Variants in KLRF1 observed in about 807,000 individuals in gnomAD.
KLRF1 encodes the protein killer cell lectin-like receptor subfamily F member 1.
KLRF1 carries 27 observed loss-of-function variants against 30.7 expected under a neutral mutation model. That is an observed-to-expected ratio of 0.88 (90% CI 0.65 to 1.21). The LOEUF is 1.21. Ranked by LOEUF, KLRF1 falls within the 50% of genes most tolerant of loss-of-function variation. The pLI is 0.00. For synonymous variants in KLRF1, 92 were observed against 89.3 expected (o/e 1.03, Z -0.17); for missense variants, 246 against 259.3 (o/e 0.95, Z 0.35).
intron 1 of KLRF1, among the ~76,000 whole-genome samples, chr12:9,827,889 C>T (rs1867317373): frequency 6.6e-6 from 1 of 152,150 alleles, no homozygotes; most frequent in East Asian, 1.9e-4. Flanking sequence ...TACAAATTTA[C>T]TATGAGATAA....
intron 5 of KLRF1, among the ~76,000 whole-genome samples, chr12:9,843,370 C>T (rs1022966586): frequency 2.6e-5 from 4 of 152,164 alleles, no homozygotes; most frequent in African/African-American, 9.7e-5. Context: ...TAGGCCACTA[C>T]ATTTGTGATA....
the KLRF1 span, among the ~76,000 whole-genome samples, chr12:9,811,880 C>T: frequency 6.6e-6 from 1 of 152,238 alleles, no homozygotes; most frequent in Middle Eastern, 3.4e-3. Flanking sequence ...AGCACTAGTG[C>T]ATTGGGTAAG....
intron 3 of KLRF1, among the ~76,000 whole-genome samples, chr12:9,838,725 G>C (rs1315389963): frequency 2.0e-5 from 3 of 152,114 alleles, no homozygotes; most frequent in Non-Finnish European, 4.4e-5. Context: ...GCCACTACTA[G>C]AGAGTGAAGG....
At chr12:9,828,468 A>G (rs966150497) in intron 1 of KLRF1, among the ~76,000 whole-genome samples, 1 of 152,194 alleles carries the variant, frequency 6.6e-6, no homozygotes, top group Non-Finnish European at 1.5e-5. Flanking sequence ...CCAGCAATCA[A>G]CATTTTAATT....
chr12:9,821,801 G>A, the KLRF1 span, among the ~76,000 whole-genome samples: 2 of 152,224 alleles, frequency 1.3e-5, no homozygotes, highest in Non-Finnish European at 2.9e-5. Context: ...CAACTGTGAA[G>A]AAATATAAGG....
the KLRF1 span, among the ~76,000 whole-genome samples, chr12:9,803,046 C>T: frequency 6.6e-6 from 1 of 152,090 alleles, no homozygotes; most frequent in Non-Finnish European, 1.5e-5. Flanking sequence ...CAGCATGCTA[C>T]CTGACTTCAA....
chr12:9,834,251 A>G (rs1316118924), intron 3 of KLRF1, among the ~76,000 whole-genome samples: 1 of 152,052 alleles, frequency 6.6e-6, no homozygotes, highest in Non-Finnish European at 1.5e-5. Flanking sequence ...TTCTTTTGTG[A>G]TTCTTCAGTT....
In KLRF1 at chr12:9,832,357, A is replaced by G. The variant is rs748588833; in HGVS notation, c.127A>G (p.Ile43Val). Residue 43 changes from isoleucine to valine, a missense_variant, in exon 2 of 6, where the codon ATA becomes GTA. Ile to Val is a conservative substitution (Grantham distance 29, BLOSUM62 3). Transcript: ENST00000617889. Reference protein sequence around the residue: ...TLHWYKILLGISGTVNGILTL... With the variant: ...TLHWYKILLGVSGTVNGILTL... ...GCACTGGTATAAAATCTTACTGGGA[A>G]TATCTGGAACCGTGAATGGTATTCT... The G allele has an allele frequency of 1.2e-6, 2 of 1,610,012 alleles. No individual in the cohort carries two copies. Among genetic ancestry groups the G allele is most frequent in the African/African-American group, 1.3e-5 (1 of 74,938 alleles).
At chr12:9,816,669 T>G in the KLRF1 span, among the ~76,000 whole-genome samples, 113 of 152,176 alleles carry the variant, frequency 7.4e-4, no homozygotes, top group Non-Finnish European at 1.2e-3. Context: ...TCTAGGTAGA[T>G]GTCACAGTAG....
intron 3 of KLRF1, among the ~76,000 whole-genome samples, chr12:9,837,426 A>T (rs1479702350): frequency 6.6e-6 from 1 of 151,916 alleles, no homozygotes; most frequent in Admixed American, 6.6e-5. Context: ...ATATCTGTAA[A>T]TATAGATATG....
the KLRF1 span, among the ~76,000 whole-genome samples, chr12:9,815,803 G>A: frequency 5.9e-5 from 9 of 152,256 alleles, no homozygotes; most frequent in African/African-American, 2.2e-4. Flanking sequence ...GGCTGCTGCT[G>A]CTTCTTATTC....
the KLRF1 span, among the ~76,000 whole-genome samples, chr12:9,810,852 G>T: frequency 6.6e-6 from 1 of 152,118 alleles, no homozygotes; most frequent in East Asian, 1.9e-4. Flanking sequence ...ATAAGCAAAA[G>T]AACTTCTCTT....
At chr12:9,816,642 C>T in the KLRF1 span, among the ~76,000 whole-genome samples, 1 of 151,458 alleles carries the variant, frequency 6.6e-6, no homozygotes, top group African/African-American at 2.4e-5. Context: ...CTTCATGAAA[C>T]ATGTTCATCT....
At chr12:9,835,214 C>T (rs1274597788) in intron 3 of KLRF1, among the ~76,000 whole-genome samples, 1 of 151,998 alleles carries the variant, frequency 6.6e-6, no homozygotes, top group Non-Finnish European at 1.5e-5. Context: ...GTCCAATTAG[C>T]AGGTAGACAC....
At chr12:9,813,515 G>T in the KLRF1 span, among the ~76,000 whole-genome samples, 1 of 151,928 alleles carries the variant, frequency 6.6e-6, no homozygotes. Flanking sequence ...TCGCAATTTC[G>T]ACTCTTTTCA....
chr12:9,844,366 T>G, intron 5 of KLRF1, 52 bp from the exon 6 acceptor site: 2 of 916,986 alleles, frequency 2.2e-6, no homozygotes, highest in Non-Finnish European at 3.5e-6. Flanking sequence ...AAGACACAAA[T>G]GGATGTCTTC....
chr12:9,818,441 T>G, the KLRF1 span, among the ~76,000 whole-genome samples: 1 of 152,236 alleles, frequency 6.6e-6, no homozygotes, highest in African/African-American at 2.4e-5. Context: ...TGTCAATCTT[T>G]CTTTGTTGTA....
intron 1 of KLRF1, among the ~76,000 whole-genome samples, chr12:9,828,788 A>G (rs1431186395): frequency 2.0e-5 from 3 of 152,104 alleles, no homozygotes; most frequent in Non-Finnish European, 4.4e-5. Flanking sequence ...TCAAGTCTTT[A>G]CTTCCTACAC....
chr12:9,815,936 A>G, the KLRF1 span, among the ~76,000 whole-genome samples: 2 of 152,140 alleles, frequency 1.3e-5, no homozygotes, highest in Admixed American at 6.5e-5. Context: ...CTCCTGCTTC[A>G]GCCTCCTGAA....
Sources: gnomAD v4.1 joint callset for allele counts (sites outside exome capture counted in the v4.1 genomes callset) on GRCh38, gnomAD v4.1.1 for gene constraint, MANE v1.5 for transcripts, NCBI Gene and HGNC (gene_info 2026-07-23, HGNC 2026-07-21) for gene names.